ZNF248: variants seen among roughly 807,000 people sequenced by gnomAD.
ZNF248 encodes zinc finger protein 248.
A neutral mutation model predicts 44.3 loss-of-function variants in ZNF248; 20 were observed. The observed-to-expected ratio is 0.45, with a 90% CI of 0.32 to 0.66. The LOEUF (loss-of-function observed/expected upper bound fraction) is 0.66, where lower values mean the gene tolerates loss of function less well. Ranked by LOEUF, ZNF248 falls within the 30% of genes least tolerant of loss-of-function variation. The pLI, the probability that ZNF248 is intolerant of heterozygous loss-of-function variation, is 0.04. For missense variants in ZNF248, 654 were observed against 677.0 expected, an observed-to-expected ratio of 0.97 and a Z score of 0.38; for synonymous variants, 224 against 229.0, an observed-to-expected ratio of 0.98 and a Z score of 0.20.
the ZNF248 span, among the ~76,000 whole-genome samples, chr10:37,770,529 C>T: frequency 6.6e-6 from 1 of 152,130 alleles, no homozygotes; most frequent in Non-Finnish European, 1.5e-5. Context: ...GGGAAGGATT[C>T]CCTATTTAAT....
the ZNF248 span, among the ~76,000 whole-genome samples, chr10:37,762,357 T>G: frequency 6.6e-6 from 1 of 152,208 alleles, no homozygotes; most frequent in African/African-American, 2.4e-5. Flanking sequence ...AGTATCATCA[T>G]TTAGCAGAAG....
At chr10:37,833,276 G>A (rs1400700332) in intron 5 of ZNF248, among the ~76,000 whole-genome samples, 160 bp from the exon 6 acceptor site, 1 of 152,076 alleles carries the variant, frequency 6.6e-6, no homozygotes, top group Admixed American at 6.6e-5. Flanking sequence ...TACCCTCCAA[G>A]GTTTAGGTGG....
chr10:37,826,383 C>T (rs897881379), downstream of ZNF248, among the ~76,000 whole-genome samples: 1 of 152,116 alleles, frequency 6.6e-6, no homozygotes, highest in Non-Finnish European at 1.5e-5. Context: ...ATTTTAATGT[C>T]TATTTTCTGA....
At chr10:37,856,836 C>A (rs2061377761) in intron 1 of ZNF248, 1 of 553,852 alleles carries the variant, frequency 1.8e-6, no homozygotes, top group Non-Finnish European at 2.3e-6. Context: ...AAATGGGCAG[C>A]AGTGGCTCGG....
At chr10:37,828,159 CACG>C (rs978818988), downstream of ZNF248, among the ~76,000 whole-genome samples, 33 of 152,254 alleles carry the variant, frequency 2.2e-4, no homozygotes, top group African/African-American at 7.9e-4. Context: ...GTAAGGGTCT[CACG>C]AAACAGAATT....
chr10:37,819,734 G>A (rs977759983), intron 6 of ZNF248: 24 of 782,416 alleles, frequency 3.1e-5, no homozygotes, highest in Non-Finnish European at 3.6e-5. Flanking sequence ...TAATGTTAAC[G>A]TTTTATTTTC....
intron 6 of ZNF248, among the ~76,000 whole-genome samples, chr10:37,786,672 T>TATGG (rs1281750200): frequency 6.6e-6 from 1 of 152,210 alleles, no homozygotes; most frequent in African/African-American, 2.4e-5. Context: ...CTTTTTGTTT[T>TATGG]ATGGATTTCA....
rs545947918 is a variant in ZNF248, at chr10:37,805,509, A to C, written c.330+27516T>G. ...ATAGACCAAATAAGGAAACTGTACA[A>C]CTGTAACCCATCAAATATTTTCTTT... On this transcript the variant is annotated intron_variant, in intron 6 of 6. Coordinates refer to the ZNF248 transcript ENST00000615949. Among the ~76,000 whole-genome samples the C allele has an allele frequency of 5.9e-5, 9 of 152,330 alleles. No homozygotes were observed. In the South Asian group the frequency reaches 1.7e-3, roughly 28 times the overall value.
chr10:37,809,866 T>C (rs527791814), intron 6 of ZNF248, among the ~76,000 whole-genome samples: 4 of 152,222 alleles, frequency 2.6e-5, no homozygotes, highest in African/African-American at 4.8e-5. Context: ...ATTATTATTT[T>C]CTAACTTCAT....
At chr10:37,828,689 A>C, downstream of ZNF248, 1 of 985,338 alleles carries the variant, frequency 1.0e-6, no homozygotes, top group Non-Finnish European at 1.2e-6. Context: ...CAAAAGCAAT[A>C]GTCATAACAC....
At chr10:37,805,794 C>A (rs2050469145) in intron 6 of ZNF248, among the ~76,000 whole-genome samples, 1 of 151,980 alleles carries the variant, frequency 6.6e-6, no homozygotes, top group Admixed American at 6.6e-5. Context: ...TGGGTGGTTA[C>A]CTACACAATG....
chr10:37,853,437 G>A (rs1490581956), intron 3 of ZNF248, among the ~76,000 whole-genome samples: 1 of 152,086 alleles, frequency 6.6e-6, no homozygotes, highest in Non-Finnish European at 1.5e-5. Context: ...GAATGTGGTG[G>A]CGCAATCTCC....
Position 37,832,164 on chromosome 10 carries a change from T to C in ZNF248, c.1191A>G (p.Gln397=). 4 of 1,614,080 alleles carry C rather than the reference T, an allele frequency of 2.5e-6. No homozygotes were observed. The highest frequency in any genetic ancestry group is 4.5e-5 in the East Asian group (2 of 44,880). Residue 397 remains glutamine, a synonymous_variant, in exon 6 of 6, where the codon CAA becomes CAG. Transcript: ENST00000395867. ...TCTCTCCTGTGTGTGTTCTCTGATG[T>C]TGAGTGAGGTTTGACTTCTCCCAGA... ...KTFWEKSNLT[Q]HQRTHTGEKP... is the part of the protein sequence containing the mutation.
At chr10:37,767,456 T>C in the ZNF248 span, among the ~76,000 whole-genome samples, 1 of 151,938 alleles carries the variant, frequency 6.6e-6, no homozygotes, top group African/African-American at 2.4e-5. Context: ...CAGAAGGGAG[T>C]GGGGGCCAAT....
In ZNF248 at chr10:37,831,129, C is replaced by A; in HGVS notation, c.*486G>T. 1 of 1,444,552 alleles carries A rather than the reference C, an allele frequency of 6.9e-7. No homozygotes were observed. The highest frequency in any genetic ancestry group is 1.5e-5 in the South Asian group (1 of 65,296). The allele number at this position is 1,444,552 out of a possible 1,614,324, so 89.5% of individuals were successfully genotyped here. ...TAGTGTAGAAAATATTAACAAATAC[C>A]ATAGTAGTTACTCAATTAAGGGTAC... is the stretch of plus-strand genomic sequence containing the variant. On this transcript the variant is annotated 3_prime_UTR_variant, in exon 6 of 6. Coordinates refer to ENST00000395867, the MANE Select transcript of ZNF248 (RefSeq NM_021045.3).
chr10:37,780,739 C>T (rs1313972463), intron 6 of ZNF248, among the ~76,000 whole-genome samples: 1 of 152,110 alleles, frequency 6.6e-6, no homozygotes, highest in Non-Finnish European at 1.5e-5. Context: ...GATCCCCGGC[C>T]ACCCTCCGAC....
At chr10:37,787,710 A>G (rs1193618360) in intron 6 of ZNF248, among the ~76,000 whole-genome samples, 7 of 152,168 alleles carry the variant, frequency 4.6e-5, no homozygotes, top group Admixed American at 3.9e-4. Flanking sequence ...AAGCAGAATG[A>G]ATCAAAGACT....
At position 37,829,428 on chromosome 10, in the gene ZNF248, C is replaced by T. The variant is rs1358053061; in HGVS notation, c.*2187G>A. 7.1e-6 allele frequency: 7 copies of T among 985,174 alleles called. No homozygotes were observed. Among genetic ancestry groups the T allele is most frequent in the African/African-American group, 1.7e-5 (1 of 57,184 alleles). The allele number at this position is 985,174 out of a possible 1,614,324, so 61.0% of individuals were successfully genotyped here. On this transcript the variant is annotated 3_prime_UTR_variant, in exon 6 of 6. Coordinates refer to ENST00000395867, the MANE Select transcript of ZNF248 (RefSeq NM_021045.3). ...ACCATGGCTGATACAAACAGCCATC[C>T]CTATATTAACTTGTGAAAAGAAATA...
intron 6 of ZNF248, among the ~76,000 whole-genome samples, chr10:37,801,295 G>T (rs1589215330): frequency 6.6e-6 from 1 of 151,870 alleles, no homozygotes; most frequent in African/African-American, 2.4e-5. Flanking sequence ...AGAATCCCTT[G>T]AACCCAGGAG....
Sources: allele counts gnomAD v4.1 joint callset (sites outside exome capture counted in the v4.1 genomes callset), GRCh38; gene constraint gnomAD v4.1.1; transcripts MANE v1.5; gene names NCBI Gene and HGNC (gene_info 2026-07-23, HGNC 2026-07-21).